Variants in SPOCK1 observed in about 807,000 individuals in gnomAD.
SPOCK1 encodes SPARC (osteonectin), cwcv and kazal like domains proteoglycan 1.
In SPOCK1, 23 loss-of-function variants were observed where a neutral mutation model predicts 55.3. The ratio of observed to expected loss-of-function variants is 0.42; its 90% CI spans 0.30 to 0.59. The LOEUF (loss-of-function observed/expected upper bound fraction) is 0.59. Among genes scored for constraint, SPOCK1 ranks in the 20% least tolerant of loss-of-function variants. The pLI, the probability that SPOCK1 is intolerant of heterozygous loss-of-function variation, is 0.22. For missense variants in SPOCK1, 499 were observed against 552.5 expected (o/e 0.90, Z 0.97); for synonymous variants, 226 against 221.0 (o/e 1.02, Z -0.20).
chr5:137,346,731 T>C (rs1750565633), intron 2 of SPOCK1, among the ~76,000 whole-genome samples: 1 of 152,198 alleles, frequency 6.6e-6, no homozygotes, highest in Admixed American at 6.5e-5. Context: ...AGTTTGCAGC[T>C]CAGAAAGACA....
At chr5:137,283,734 C>CA (rs367776461) in intron 2 of SPOCK1, among the ~76,000 whole-genome samples, 4,748 of 138,720 alleles carry the variant, frequency 0.034, 148 homozygotes, top group African/African-American at 0.09. Context: ...ATGAAACAAA[C>CA]AAAAAAAAAA....
intron 2 of SPOCK1, among the ~76,000 whole-genome samples, chr5:137,287,405 G>A (rs763989537): frequency 1.3e-5 from 2 of 152,166 alleles, no homozygotes. Context: ...AGACTTCCTT[G>A]CAGTGACAAT....
intron 2 of SPOCK1, chr5:137,313,461 G>A (rs1757821909): frequency 2.0e-6 from 2 of 985,364 alleles, no homozygotes; most frequent in Non-Finnish European, 2.4e-6. Context: ...AAATCATCAG[G>A]GCACAGGCCG....
intron 5 of SPOCK1, among the ~76,000 whole-genome samples, chr5:137,075,385 C>T (rs751922146): frequency 4.6e-5 from 7 of 152,118 alleles, no homozygotes; most frequent in Non-Finnish European, 8.8e-5. Context: ...GGGCGGCTCT[C>T]GGGGCAGGGA....
chr5:137,332,642 G>C (rs1042498608), intron 2 of SPOCK1, among the ~76,000 whole-genome samples: 2 of 152,232 alleles, frequency 1.3e-5, no homozygotes, highest in Non-Finnish European at 2.9e-5. Context: ...TGCTCTGCAG[G>C]AGCTAAGGAA....
chr5:137,079,195 C>G (rs1428029734), intron 5 of SPOCK1, among the ~76,000 whole-genome samples: 2 of 152,234 alleles, frequency 1.3e-5, no homozygotes, highest in Non-Finnish European at 1.5e-5. Flanking sequence ...TGACAGCTTT[C>G]TTGCCTGTCT....
intron 2 of SPOCK1, among the ~76,000 whole-genome samples, chr5:137,295,153 C>T (rs1269005805): frequency 1.3e-5 from 2 of 152,246 alleles, no homozygotes; most frequent in Non-Finnish European, 2.9e-5. Context: ...TGAATAAATA[C>T]CTAGATATAC....
At chr5:137,472,204 A>G (rs1466509793) in intron 2 of SPOCK1, among the ~76,000 whole-genome samples, 1 of 152,118 alleles carries the variant, frequency 6.6e-6, no homozygotes, top group South Asian at 2.1e-4. Flanking sequence ...GGGACACTTG[A>G]TGAGGGCTTT....
intron 2 of SPOCK1, among the ~76,000 whole-genome samples, chr5:137,476,040 T>C (rs1753831756): frequency 6.6e-6 from 1 of 151,998 alleles, no homozygotes; most frequent in Non-Finnish European, 1.5e-5. Flanking sequence ...ATAGGTTTTT[T>C]TTTTTTTAAC....
chr5:137,118,774 G>A (rs961539476), intron 4 of SPOCK1, among the ~76,000 whole-genome samples: 1 of 152,176 alleles, frequency 6.6e-6, no homozygotes, highest in African/African-American at 2.4e-5. Flanking sequence ...CACTGAAGGA[G>A]GGCCATTCAT....
At position 137,365,457 on chromosome 5, in the gene SPOCK1, GAAGT is replaced by G. The variant is rs1272417554; in HGVS notation, c.187-98406_187-98403del. On this transcript the variant is annotated intron_variant, in intron 2 of 10. Coordinates refer to ENST00000394945, the MANE Select transcript of SPOCK1 (RefSeq NM_004598.4). ...AGAAGCAGGTAGCCTCTCTTCCCTA[GAAGT>G]AAGTTTCTCTCTTTAAATAGAGGAC... The G allele has an allele frequency of 2.0e-5, 3 of 152,194 alleles. No individual in the cohort carries two copies. The East Asian group carries it at 5.8e-4, about 29-fold the overall frequency. The allele number at this position is 152,194 out of a possible 1,614,324, so 9.4% of individuals were successfully genotyped here.
At chr5:137,421,720 T>A (rs1270898265) in intron 2 of SPOCK1, among the ~76,000 whole-genome samples, 1 of 152,192 alleles carries the variant, frequency 6.6e-6, no homozygotes, top group African/African-American at 2.4e-5. Flanking sequence ...TTCCTGAATA[T>A]AGCACACTGA....
chr5:136,989,980 G>A (rs1386857460), intron 7 of SPOCK1, among the ~76,000 whole-genome samples: 1 of 151,796 alleles, frequency 6.6e-6, no homozygotes, highest in Non-Finnish European at 1.5e-5. Context: ...GCACCATCTC[G>A]GCTCACTGCA....
chr5:137,232,929 G>A (rs1026732330), intron 3 of SPOCK1, among the ~76,000 whole-genome samples: 10 of 152,228 alleles, frequency 6.6e-5, no homozygotes, highest in Admixed American at 1.3e-4. Context: ...GTGTTATTCC[G>A]CACTATCATG....
intron 4 of SPOCK1, among the ~76,000 whole-genome samples, chr5:137,130,495 G>A (rs1753853683): frequency 6.6e-6 from 1 of 152,206 alleles, no homozygotes; most frequent in South Asian, 2.1e-4. Context: ...AGCTAGTCCT[G>A]CTGAAGCAAC....
chr5:137,109,332 G>A (rs1370914730), intron 5 of SPOCK1, among the ~76,000 whole-genome samples: 1 of 152,182 alleles, frequency 6.6e-6, no homozygotes, highest in Non-Finnish European at 1.5e-5. Context: ...CCAGGATAGG[G>A]ATGGCTTGTT....
intron 3 of SPOCK1, among the ~76,000 whole-genome samples, chr5:137,253,108 A>G (rs1170479084): frequency 6.6e-6 from 1 of 152,204 alleles, no homozygotes; most frequent in East Asian, 1.9e-4. Flanking sequence ...GTCACACTGC[A>G]TTTGGAAACG....
chr5:137,234,111 G>A (rs1449427474), intron 3 of SPOCK1, among the ~76,000 whole-genome samples: 2 of 152,156 alleles, frequency 1.3e-5, no homozygotes, highest in African/African-American at 4.8e-5. Context: ...TCTCTGGGTA[G>A]GGAAAAGGAG....
At chr5:137,307,146 A>T (rs1170639905) in intron 2 of SPOCK1, among the ~76,000 whole-genome samples, 1 of 152,218 alleles carries the variant, frequency 6.6e-6, no homozygotes, top group Non-Finnish European at 1.5e-5. Context: ...ACGCCCAGTA[A>T]ATATTTGTTA....
Sources: allele counts gnomAD v4.1 joint callset (sites outside exome capture counted in the v4.1 genomes callset), GRCh38; gene constraint gnomAD v4.1.1; transcripts MANE v1.5; gene names NCBI Gene and HGNC (gene_info 2026-07-23, HGNC 2026-07-21).